Variants in SATB1 observed in about 807,000 individuals in gnomAD.
The protein encoded by SATB1 is SATB homeobox 1.
Under a neutral mutation model 86.9 loss-of-function variants are expected in SATB1, and 11 were observed. The ratio of observed to expected loss-of-function variants is 0.13; its 90% confidence interval spans 0.08 to 0.21. The LOEUF (loss-of-function observed/expected upper bound fraction) is 0.21. SATB1 is among the 10% of genes least tolerant of loss of function. SATB1 has a pLI of 1.00. For synonymous variants in SATB1, 357 were observed against 357.2 expected (o/e 1.00, Z 0.01); for missense variants, 551 against 937.6 (o/e 0.59, Z 5.39).
At chr3:18,440,141 A>G (rs950521175), upstream of SATB1, among the ~76,000 whole-genome samples, 1 of 152,228 alleles carries the variant, frequency 6.6e-6, no homozygotes, top group Admixed American at 6.5e-5. Context: ...GGAACTTTGT[A>G]GAAAGTTAAT....
intron 4 of SATB1, among the ~76,000 whole-genome samples, chr3:18,415,521 G>A (rs911705205): frequency 6.6e-6 from 1 of 151,806 alleles, no homozygotes; most frequent in Admixed American, 6.6e-5. Context: ...GCTTTCTCCT[G>A]AGCCATCATG....
chr3:18,382,776 A>G (rs1334501053), intron 8 of SATB1, among the ~76,000 whole-genome samples: 1 of 152,226 alleles, frequency 6.6e-6, no homozygotes, highest in Non-Finnish European at 1.5e-5. Flanking sequence ...CATTCTAACA[A>G]GAAAACCTCC....
chr3:18,436,483 T>C (rs537288088), intron 2 of SATB1, among the ~76,000 whole-genome samples: 2 of 118,374 alleles, frequency 1.7e-5, no homozygotes, highest in Middle Eastern at 6.1e-3. Context: ...ACAATGAGGA[T>C]AGAACAGAGA....
chr3:18,426,130 G>C (rs188101548), upstream of SATB1, among the ~76,000 whole-genome samples: 1 of 152,270 alleles, frequency 6.6e-6, no homozygotes, highest in African/African-American at 2.4e-5. The surrounding 1 kb of genome is among the most constrained non-coding windows in gnomAD (Gnocchi z 4.2). Context: ...GGAGGGTGCA[G>C]AAACGTGTAC....
At chr3:18,401,179 T>C (rs1393000705) in intron 5 of SATB1, among the ~76,000 whole-genome samples, 2 of 152,178 alleles carry the variant, frequency 1.3e-5, no homozygotes, top group Non-Finnish European at 2.9e-5. Context: ...CATCTGAATA[T>C]ATCCTGGACT....
intron 2 of SATB1, among the ~76,000 whole-genome samples, chr3:18,436,310 TA>T (rs1314357576): frequency 6.6e-6 from 1 of 152,126 alleles, no homozygotes; most frequent in Non-Finnish European, 1.5e-5. Flanking sequence ...CACTAGTCCA[TA>T]ATATTTTTGG....
At chr3:18,395,738 C>T (rs1359669968) in intron 6 of SATB1, among the ~76,000 whole-genome samples, 1 of 152,178 alleles carries the variant, frequency 6.6e-6, no homozygotes, top group Non-Finnish European at 1.5e-5. Context: ...AATGGTGAGG[C>T]TGTCATGATT....
At chr3:18,387,556 T>C (rs1309386434) in intron 7 of SATB1, among the ~76,000 whole-genome samples, 2 of 152,208 alleles carry the variant, frequency 1.3e-5, no homozygotes, top group Non-Finnish European at 2.9e-5. Flanking sequence ...GTTCTCCCCA[T>C]TGCATTTAAG....
chr3:18,357,619 G>A (rs1433990283), intron 9 of SATB1, among the ~76,000 whole-genome samples: 1 of 150,778 alleles, frequency 6.6e-6, no homozygotes, highest in Non-Finnish European at 1.5e-5. Context: ...CTACAAGCTG[G>A]GGGAAAATGA....
intron 2 of SATB1, chr3:18,417,684 T>C: frequency 2.9e-6 from 2 of 699,028 alleles, no homozygotes; most frequent in South Asian, 1.5e-5. Flanking sequence ...GTGCTCATAA[T>C]ACACAATTTC....
At chr3:18,416,277 G>C in intron 3 of SATB1, 144 bp from the exon 4 acceptor site, 1 of 540,468 alleles carries the variant, frequency 1.9e-6, no homozygotes. Flanking sequence ...CCTCTAAAAG[G>C]CAGGTCAATG....
intron 2 of SATB1, among the ~76,000 whole-genome samples, chr3:18,436,002 A>G (rs1699046691): frequency 6.6e-6 from 1 of 152,200 alleles, no homozygotes; most frequent in South Asian, 2.1e-4. Flanking sequence ...AAATGAAAAT[A>G]AATTTTAAAA....
Position 18,406,459 on chromosome 3 carries a change from C to A in SATB1, c.639+8652G>T, listed in dbSNP as rs550598637. On this transcript the variant is annotated intron_variant, in intron 5 of 10. Coordinates refer to ENST00000338745, the MANE Select transcript of SATB1 (RefSeq NM_002971.6). Reference sequence around the variant, plus strand: ...AAAATAATAGTGAAGAAGTGTGGGTCTCAAATATAATGTAACTGAGACAAA... The same window carrying A: ...AAAATAATAGTGAAGAAGTGTGGGTATCAAATATAATGTAACTGAGACAAA... Among the ~76,000 whole-genome samples the A allele has an allele frequency of 8.6e-5, 13 of 152,008 alleles. 1 individual carries two copies. In the South Asian group the frequency reaches 2.7e-3, roughly 32 times the overall value.
At chr3:18,427,934 T>C (rs1698764948), upstream of SATB1, among the ~76,000 whole-genome samples, 2 of 152,246 alleles carry the variant, frequency 1.3e-5, no homozygotes, top group Non-Finnish European at 2.9e-5. Flanking sequence ...ACTAGTGGTA[T>C]ACATCACTGA....
chr3:18,394,074 T>C lies in SATB1; in HGVS notation c.1206+388A>G, dbSNP rs954033066. On this transcript the variant is annotated intron_variant, in intron 7 of 10. Coordinates refer to ENST00000338745, the MANE Select transcript of SATB1 (RefSeq NM_002971.6). The surrounding 1 kb of genome is among the most constrained non-coding windows in gnomAD (Gnocchi z 5.9). ...AAGTTTGATATGGGTAGTAACAACA[T>C]AAATGGAAAAGACAATAGGCTAGAA... Among the ~76,000 whole-genome samples, 11 of 152,118 alleles carry C rather than the reference T, an allele frequency of 7.2e-5. No homozygotes were observed. Among genetic ancestry groups the C allele is most frequent in the African/African-American group, 2.7e-4 (11 of 41,418 alleles).
Position 18,352,939 on chromosome 3 carries a change from T to A in SATB1, c.1576-744A>T, listed in dbSNP as rs201834859. ...CCTCTCTGATGTTTCCAAGGCCCAGTTTTTTTACCCTGAGGTTATCTATCA... is the reference window on the plus strand; with the variant it reads ...CCTCTCTGATGTTTCCAAGGCCCAGATTTTTTACCCTGAGGTTATCTATCA... On this transcript the variant is annotated intron_variant, in intron 9 of 10. Coordinates refer to ENST00000338745, the MANE Select transcript of SATB1 (RefSeq NM_002971.6). The surrounding 1 kb of genome is among the most constrained non-coding windows in gnomAD (Gnocchi z 4.1). 3 of 19,942 alleles carry A rather than the reference T, an allele frequency of 1.5e-4. No individual in the cohort carries two copies. The highest frequency in any genetic ancestry group is 2.7e-4 in the Non-Finnish European group (3 of 10,916). The allele number at this position is 19,942 out of a possible 1,614,324, so 1.2% of individuals were successfully genotyped here.
chr3:18,349,349 T>C lies in SATB1; in HGVS notation c.2113A>G (p.Lys705Glu). 1 of 1,614,216 alleles carries C rather than the reference T, an allele frequency of 6.2e-7. No individual in the cohort carries two copies. The highest frequency in any genetic ancestry group is 8.5e-7 in the Non-Finnish European group (1 of 1,180,040). The change falls in exon 11 of 11, where the codon AAA becomes GAA. Residue 705 changes from lysine (K) to glutamate (E), a missense_variant. Physicochemically the swap from Lys to Glu is moderately conservative, Grantham distance 56 (BLOSUM62 1). Around this residue, in one of 8 missense-constraint regions of SATB1, gnomAD observed 33 missense variants for 85.4 expected, o/e 0.39. Transcript: ENST00000338745. This position sits in a 1 kb window ranked among gnomAD's most constrained non-coding sequence, Gnocchi z 5.5. ...TCTAAACCGGAATTGTCCTTCAGTT[T>C]GCCGTGGTGCTTGAGATAGTACCGC... ...NQRYYLKHHG[K>E]LKDNSGLEVD...
intron 9 of SATB1, among the ~76,000 whole-genome samples, chr3:18,365,016 T>A (rs187908245): frequency 7.6e-4 from 115 of 152,122 alleles, no homozygotes; most frequent in African/African-American, 2.6e-3. Context: ...GATGAGAAGG[T>A]CCCTGCCCCC....
Position 18,410,647 on chromosome 3 carries a change from ATACT to A in SATB1, c.639+4460_639+4463del, listed in dbSNP as rs201721248. The stretch of plus-strand genomic sequence containing the variant: ...CTGGCATACGGCAGACTGTCAATAC[ATACT>A]TTTGAATATATGAATGTGAACAAAT... On this transcript the variant is annotated intron_variant, in intron 5 of 10. Transcript: ENST00000338745. Among the ~76,000 whole-genome samples the A allele has an allele frequency of 1.3e-3, 204 of 152,232 alleles. 7 individuals carry two copies. The East Asian group carries it at 0.036, about 27-fold the overall frequency.
Sources: gnomAD v4.1 joint callset for allele counts (sites outside exome capture counted in the v4.1 genomes callset) on GRCh38, gnomAD v4.1.1 for gene constraint, gnomAD v4.1.1 regional missense constraint, Gnocchi (gnomAD v3.1) non-coding constraint, MANE v1.5 for transcripts, NCBI Gene and HGNC (gene_info 2026-07-23, HGNC 2026-07-21) for gene names.